The following RABEP2 variants were observed in gnomAD, a reference collection of about 807,000 sequenced individuals.
The protein encoded by RABEP2 is rabaptin, RAB GTPase binding effector protein 2.
Under a neutral mutation model 74.1 loss-of-function variants are expected in RABEP2, and 57 were observed. That is an observed-to-expected ratio of 0.77 (90% CI 0.62 to 0.96). The LOEUF (loss-of-function observed/expected upper bound fraction) is 0.96. Among genes scored for constraint, RABEP2 ranks in the 40% least tolerant of loss-of-function variants. The pLI is 0.00. For synonymous variants in RABEP2, 351 were observed against 344.0 expected, an observed-to-expected ratio of 1.02 and a Z score of -0.23; for missense variants, 692 against 756.3, an observed-to-expected ratio of 0.91 and a Z score of 1.00.
At chr16:28,920,707 T>A (rs1964459321) in intron 2 of RABEP2, among the ~76,000 whole-genome samples, 1 of 151,870 alleles carries the variant, frequency 6.6e-6, no homozygotes. Flanking sequence ...TTTGTTTAAT[T>A]TTACTTTAAG....
chr16:28,909,890 G>A (rs1198381006), intron 7 of RABEP2, among the ~76,000 whole-genome samples: 2 of 151,720 alleles, frequency 1.3e-5, no homozygotes, highest in South Asian at 2.1e-4. Flanking sequence ...TTAACCGGGC[G>A]TGGTGGCAGG....
chr16:28,906,297 G>C (rs1964230293), intron 8 of RABEP2, 101 bp from the exon 9 acceptor site: 2 of 1,410,008 alleles, frequency 1.4e-6, no homozygotes, highest in Non-Finnish European at 1.9e-6. Context: ...GGGGAAGGAA[G>C]GGAGGATGGA....
At position 28,914,436 on chromosome 16, in the gene RABEP2, C is replaced by T. The variant is rs548800253; in HGVS notation, c.694G>A (p.Ala232Thr). Residue 232 changes from alanine (A) to threonine (T), a missense_variant, in exon 5 of 13, where the codon GCC (alanine) becomes ACC (threonine). Coordinates refer to ENST00000358201, the MANE Select transcript of RABEP2 (RefSeq NM_024816.3). The stretch of plus-strand genomic sequence containing the variant: ...CCAAGGGAGAAGGAGGAGATGGAGG[C>T]GCTGTCATCGCAGTTGTGAGCGAAG... ...EAFAHNCDDS[A>T]SISSFSLGGG... The T allele has an allele frequency of 1.9e-6, 3 of 1,613,500 alleles. No individual in the cohort carries two copies. The highest frequency in any genetic ancestry group is 2.2e-5 in the East Asian group (1 of 44,886).
At chr16:28,918,061 G>GTTTT (rs398029150) in intron 3 of RABEP2, 13 of 93,214 alleles carry the variant, frequency 1.4e-4, no homozygotes, top group African/African-American at 2.6e-4. Flanking sequence ...TCCTATAATT[G>GTTTT]TTTTTTTTTT....
chr16:28,914,090 A>G, intron 5 of RABEP2, 146 bp downstream of exon 5: 2 of 672,094 alleles, frequency 3.0e-6, no homozygotes, highest in South Asian at 2.0e-5. Context: ...GCATGTTTAC[A>G]TCTGCCTGCC....
Position 28,925,200 on chromosome 16 carries a change from G to C in RABEP2, c.-37C>G, listed in dbSNP as rs1387784109. ...AAACGGCGGATTCCCGCACTCCCTG[G>C]TGACGGAGCGCACCGCTTCCGGGTC... On this transcript the variant is annotated 5_prime_UTR_variant, in exon 1 of 13. Transcript: ENST00000358201. 6.6e-7 allele frequency: 1 copy of C among 1,515,684 alleles called. No individual in the cohort carries two copies. Among genetic ancestry groups the C allele is most frequent in the African/African-American group, 1.4e-5 (1 of 71,600 alleles). 93.9% of individuals were successfully genotyped at this position (1,515,684 alleles called of 1,614,324 possible). A position where few individuals can be genotyped will look rare whatever the true frequency, so the allele number is the denominator to read the frequency against.
intron 8 of RABEP2, among the ~76,000 whole-genome samples, chr16:28,907,057 C>T (rs1964245748): frequency 6.6e-6 from 1 of 151,890 alleles, no homozygotes; most frequent in African/African-American, 2.4e-5. Flanking sequence ...CCGAAGACCG[C>T]AAGGGCAAAG....
In RABEP2 at chr16:28,906,021, G is replaced by A; in HGVS notation, c.1421C>T (p.Thr474Ile). ...EGQLRVQREETEVLEASLCSL... is the reference protein window; with the variant it reads ...EGQLRVQREEIEVLEASLCSL... The stretch of plus-strand genomic sequence containing the variant: ...GGGGCTTGTGCCCCTCCCCTCACCT[G>A]TCTCCTCCCGCTGCACCCTCAGCTG... Residue 474 changes from threonine (T) to isoleucine (I), a missense_variant and splice_region_variant, in exon 9 of 13, where the codon ACA (threonine) becomes ATA (isoleucine). Thr to Ile is a moderately conservative substitution (Grantham distance 89, BLOSUM62 -1). Coordinates refer to ENST00000358201, the MANE Select transcript of RABEP2 (RefSeq NM_024816.3). 1 of 1,606,246 alleles carries A rather than the reference G, an allele frequency of 6.2e-7. No homozygotes were observed. Among genetic ancestry groups the A allele is most frequent in the Non-Finnish European group, 8.5e-7 (1 of 1,177,052 alleles).
intron 2 of RABEP2, among the ~76,000 whole-genome samples, chr16:28,921,621 T>C (rs561137703): frequency 6.8e-6 from 1 of 148,066 alleles, no homozygotes; most frequent in African/African-American, 2.5e-5. Flanking sequence ...CAGCAGGAGA[T>C]GGAGGTGATG....
intron 2 of RABEP2, among the ~76,000 whole-genome samples, chr16:28,923,594 G>C (rs1002902016): frequency 2.0e-5 from 3 of 152,192 alleles, no homozygotes; most frequent in Non-Finnish European, 4.4e-5. Context: ...ACAAGGATGT[G>C]TCTACATTGC....
intron 3 of RABEP2, among the ~76,000 whole-genome samples, chr16:28,919,313 C>A (rs1964436985): frequency 6.6e-6 from 1 of 152,180 alleles, no homozygotes; most frequent in Non-Finnish European, 1.5e-5. Context: ...GCGCCGCAGG[C>A]TAATTTTTAT....
chr16:28,924,964 T>C (rs779300513), intron 1 of RABEP2, 139 bp downstream of exon 1: 5 of 1,059,566 alleles, frequency 4.7e-6, no homozygotes, highest in Non-Finnish European at 7.0e-6. Context: ...CCTGTGGCTG[T>C]AGGCCCCGCC....
chr16:28,924,151 A>ATG (rs1427836603), intron 2 of RABEP2: 7 of 537,058 alleles, frequency 1.3e-5, no homozygotes, highest in Non-Finnish European at 2.3e-5. Context: ...GGGACAAGAA[A>ATG]TGACATGGGA....
intron 8 of RABEP2, among the ~76,000 whole-genome samples, chr16:28,907,698 C>T (rs1423416251): frequency 1.3e-5 from 2 of 152,136 alleles, no homozygotes; most frequent in Non-Finnish European, 2.9e-5. Context: ...AGTGCAGTGG[C>T]GCGATCTTGG....
chr16:28,912,822 G>T (rs952130453), intron 5 of RABEP2, among the ~76,000 whole-genome samples: 1 of 152,044 alleles, frequency 6.6e-6, no homozygotes, highest in South Asian at 2.1e-4. Context: ...CCCCGAGGTC[G>T]GACTCATGTG....
At chr16:28,920,014 G>C in intron 2 of RABEP2, 71 bp from the exon 3 acceptor site, 1 of 1,445,962 alleles carries the variant, frequency 6.9e-7, no homozygotes, top group South Asian at 1.4e-5. Flanking sequence ...GCGAGCAGGG[G>C]ACTCTTGATG....
chr16:28,919,862 T>A lies in RABEP2; in HGVS notation c.356A>T (p.Glu119Val). 2 of 1,611,610 alleles carry A rather than the reference T, an allele frequency of 1.2e-6. No homozygotes were observed. Among genetic ancestry groups the A allele is most frequent in the Non-Finnish European group, 1.7e-6 (2 of 1,178,830 alleles). Residue 119 changes from glutamate (E) to valine (V), a missense_variant, in exon 3 of 13, where the codon GAG becomes GTG. Coordinates refer to ENST00000358201, the MANE Select transcript of RABEP2 (RefSeq NM_024816.3). ...CTGCTTCAGGCGGCCCAGCTCCCGC[T>A]CCTTCTCCTCACAGTCCTGCTGCTG... ...QQQQQDCEEK[E>V]RELGRLKQLL...
rs1162258816 is a variant in RABEP2 at position 28,904,742 on chromosome 16, G to A, written c.*201C>T. The A allele has an allele frequency of 7.8e-6, 5 of 643,762 alleles. No homozygotes were observed. In the African/African-American group the frequency reaches 9.2e-5, roughly 12 times the overall value. 39.9% of individuals were successfully genotyped at this position (643,762 alleles called of 1,614,324 possible). On this transcript the variant is annotated 3_prime_UTR_variant, in exon 13 of 13. Transcript: ENST00000358201. ...GGGAGGGGCTTGGGCCCCTCACCCA[G>A]GTGTGATCCCTGAGAACAGGAGGCC... is the stretch of plus-strand genomic sequence containing the variant.
In RABEP2 at chr16:28,925,153, G is replaced by C. The variant is rs1964518884; in HGVS notation, c.11C>G (p.Ala4Gly). 6.5e-7 allele frequency: 1 copy of C among 1,532,338 alleles called. No homozygotes were observed. 94.9% of individuals were successfully genotyped at this position (1,532,338 alleles called of 1,614,324 possible). Residue 4 changes from alanine (A) to glycine (G), a missense_variant, in exon 1 of 13, where the codon GCT becomes GGT. Coordinates refer to ENST00000358201, the MANE Select transcript of RABEP2 (RefSeq NM_024816.3). The part of the protein sequence containing the change: MAA[A>G]APVAADDDER... ...ATCGTCGTCCGCGGCCACCGGCGCAGCTGCCGCCATTGCCTCAGCGCAAAC... is the reference window on the plus strand; with the variant it reads ...ATCGTCGTCCGCGGCCACCGGCGCACCTGCCGCCATTGCCTCAGCGCAAAC...
Sources: allele counts gnomAD v4.1 joint callset (sites outside exome capture counted in the v4.1 genomes callset), GRCh38; gene constraint gnomAD v4.1.1; transcripts MANE v1.5; gene names NCBI Gene and HGNC (gene_info 2026-07-23, HGNC 2026-07-21).